Variants in ZSCAN12 observed in about 807,000 individuals in gnomAD.
ZSCAN12 encodes zinc finger and SCAN domain containing 12, also known as zinc finger and SCAN domain-containing protein 12.
In ZSCAN12, 18 loss-of-function variants were observed where a neutral mutation model predicts 23.4. The ratio of observed to expected loss-of-function variants is 0.77; its 90% CI spans 0.53 to 1.14. ZSCAN12 has a LOEUF of 1.14. Ranked by LOEUF, ZSCAN12 falls within the 50% of genes most tolerant of loss-of-function variation. ZSCAN12 has a pLI of 0.00. For missense variants in ZSCAN12, 650 were observed against 735.0 expected (o/e 0.88, Z 1.34); for synonymous variants, 186 against 253.4 (o/e 0.73, Z 2.53).
intron 2 of ZSCAN12, among the ~76,000 whole-genome samples, chr6:28,395,734 T>A (rs1761075544): frequency 6.6e-6 from 1 of 152,212 alleles, no homozygotes; most frequent in South Asian, 2.1e-4. Context: ...TATAATCTTA[T>A]AAGCATTTTA....
chr6:28,379,016 C>T (rs1244118947), exon 5 of ZSCAN12: 1 of 152,116 alleles, frequency 6.6e-6, no homozygotes, highest in Non-Finnish European at 1.5e-5. Context: ...GGATGTACAG[C>T]AGAGGGACAC....
Position 28,391,539 on chromosome 6 carries a change from T to A in ZSCAN12, c.751A>T (p.Asn251Tyr). Residue 251 changes from asparagine to tyrosine, a missense_variant, in exon 4 of 4, where the codon AAT becomes TAT. By Grantham distance (143) the Asn-to-Tyr change is moderately radical. Transcript: ENST00000684592. This position sits in a 1 kb window ranked among gnomAD's most constrained non-coding sequence, Gnocchi z 4.1. ...GAGTTCTCAGTCAGGCTTACTCCATTTTCATCACAGGTAGGTTGTTTATCT... is the reference window on the plus strand; with the variant it reads ...GAGTTCTCAGTCAGGCTTACTCCATATTCATCACAGGTAGGTTGTTTATCT... ...REDKQPTCDENGVSLTENSDH... is the reference protein window; with the variant it reads ...REDKQPTCDEYGVSLTENSDH... The A allele has an allele frequency of 2.6e-6, 4 of 1,552,194 alleles. No individual in the cohort carries two copies. The highest frequency in any genetic ancestry group is 3.5e-6 in the Non-Finnish European group (4 of 1,147,114).
At position 28,385,980 on chromosome 6, in the gene ZSCAN12, G is replaced by A. The variant is rs1198822811; in HGVS notation, c.*4474C>T. Among the ~76,000 whole-genome samples, 1 of 152,146 alleles carries A rather than the reference G, an allele frequency of 6.6e-6. No individual in the cohort carries two copies. Among genetic ancestry groups the A allele is most frequent in the East Asian group, 1.9e-4 (1 of 5,192 alleles). On this transcript the variant is annotated 3_prime_UTR_variant, in exon 4 of 4. Transcript: ENST00000684592. The stretch of plus-strand genomic sequence containing the variant: ...ATTTGGAGCCCTGCTCAATCCCACT[G>A]TCTTTCCTCATTAGCTTCATCTCGT...
chr6:28,398,344 A>C lies in ZSCAN12; in HGVS notation c.62T>G (p.Ile21Arg). The C allele has an allele frequency of 1.3e-6, 2 of 1,553,382 alleles. No individual in the cohort carries two copies. Among genetic ancestry groups the C allele is most frequent in the Non-Finnish European group, 1.7e-6 (2 of 1,147,902 alleles). The change falls in exon 2 of 4, where the codon ATA becomes AGA. Residue 21 changes from isoleucine (I) to arginine (R), a missense_variant. By Grantham distance (97) the Ile-to-Arg change is moderately conservative (BLOSUM62 -3). Coordinates refer to ENST00000684592, the MANE Select transcript of ZSCAN12 (RefSeq NM_001163391.2). The stretch of plus-strand genomic sequence containing the variant: ...TCTGGTGGTATATTTCTCTTCCTCT[A>C]TCTTTACTTCCAAAGGTTCATCCTG... ...MDQDEPLEVK[I>R]EEEKYTTRQD...
In ZSCAN12 at chr6:28,398,352, T is replaced by C. The variant is rs980075191; in HGVS notation, c.54A>G (p.Glu18=). Residue 18 remains glutamate (E), a synonymous_variant, in exon 2 of 4, where the codon GAA becomes GAG. Transcript: ENST00000684592. ...TATATTTCTCTTCCTCTATCTTTAC[T>C]TCCAAAGGTTCATCCTGGTCCATGT... The part of the protein sequence containing the change: ...QAHMDQDEPL[E]VKIEEEKYTT... 8 of 1,552,354 alleles carry C rather than the reference T, an allele frequency of 5.2e-6. No homozygotes were observed. The Admixed American group carries it at 5.9e-5, about 11-fold the overall frequency.
chr6:28,394,757 C>A (rs140084858), intron 2 of ZSCAN12, among the ~76,000 whole-genome samples: 50 of 152,246 alleles, frequency 3.3e-4, no homozygotes, highest in African/African-American at 1.2e-3. Context: ...GCTCATTACT[C>A]CCTTCATGAT....
At position 28,390,559 on chromosome 6, in the gene ZSCAN12, T is replaced by G. The variant is rs752111653; in HGVS notation, c.1731A>C (p.Arg577Ser). The change falls in exon 4 of 4, where the codon AGA (arginine) becomes AGC (serine). Residue 577 changes from arginine (R) to serine (S), a missense_variant. Transcript: ENST00000684592. Reference protein sequence around the residue: ...DLSKHQRIHNRRGTYVCKECG... With the variant: ...DLSKHQRIHNSRGTYVCKECG... Reference sequence around the variant, plus strand: ...ACTCTTTACATACATAGGTACCACGTCTATTATGGATTCTCTGGTGTTTAC... The same window carrying G: ...ACTCTTTACATACATAGGTACCACGGCTATTATGGATTCTCTGGTGTTTAC... 2 of 1,581,596 alleles carry G rather than the reference T, an allele frequency of 1.3e-6. No individual in the cohort carries two copies. The highest frequency in any genetic ancestry group is 2.7e-5 in the African/African-American group (2 of 73,834).
rs756843523 is a variant in ZSCAN12, at chr6:28,387,974, G to A, written c.*2480C>T. Among the ~76,000 whole-genome samples the A allele has an allele frequency of 5.3e-5, 8 of 152,030 alleles. No individual in the cohort carries two copies. Among genetic ancestry groups the A allele is most frequent in the Non-Finnish European group, 1.2e-4 (8 of 68,020 alleles). On this transcript the variant is annotated 3_prime_UTR_variant, in exon 4 of 4. Coordinates refer to ENST00000684592, the MANE Select transcript of ZSCAN12 (RefSeq NM_001163391.2). ...TCTCCGAATAAATCTGCTTTTCCTC[G>A]CACCAATTTTCTTCTCTCCCGAGTT... is the stretch of plus-strand genomic sequence containing the variant.
downstream of ZSCAN12, chr6:28,382,529 A>G (rs1760306224): frequency 6.4e-7 from 1 of 1,551,828 alleles, no homozygotes; most frequent in African/African-American, 1.4e-5. Context: ...TTCTGGAATG[A>G]GAGAGCTCAG....
chr6:28,397,195 G>A (rs1425470220), intron 2 of ZSCAN12, among the ~76,000 whole-genome samples: 4 of 151,798 alleles, frequency 2.6e-5, no homozygotes. Flanking sequence ...GATACTAGCA[G>A]CACCTCCCCA....
intron 1 of ZSCAN12, among the ~76,000 whole-genome samples, chr6:28,399,369 C>T (rs528122842): frequency 2.4e-3 from 362 of 152,326 alleles, no homozygotes; most frequent in African/African-American, 8.2e-3. Flanking sequence ...GTCTGTGACC[C>T]ACCACTGTCC....
chr6:28,383,919 A>G (rs769228658), downstream of ZSCAN12, among the ~76,000 whole-genome samples: 15 of 152,118 alleles, frequency 9.9e-5, no homozygotes, highest in Non-Finnish European at 1.9e-4. Context: ...GAGAGAGCCC[A>G]CAACAACAAT....
chr6:28,391,935 G>C lies in ZSCAN12; in HGVS notation c.548-193C>G, dbSNP rs1311033958. Among the ~76,000 whole-genome samples, 1 of 152,158 alleles carries C rather than the reference G, an allele frequency of 6.6e-6. No individual in the cohort carries two copies. Among genetic ancestry groups the C allele is most frequent in the Non-Finnish European group, 1.5e-5 (1 of 68,040 alleles). On this transcript the variant is annotated intron_variant, in intron 3 of 3. Coordinates refer to ENST00000684592, the MANE Select transcript of ZSCAN12 (RefSeq NM_001163391.2). The surrounding 1 kb of genome is among the most constrained non-coding windows in gnomAD (Gnocchi z 4.1). ...ATCTGGAAGGACACACGAAAAATTA[G>C]TAACAGTTACAACCTATTTCAGAGT...
downstream of ZSCAN12, chr6:28,380,070 C>T (rs1029491860): frequency 6.6e-6 from 1 of 152,166 alleles, no homozygotes; most frequent in African/African-American, 2.4e-5. Context: ...TTTTCTTGAT[C>T]TAAGAAACTA....
Position 28,393,016 on chromosome 6 carries a change from A to G in ZSCAN12, c.433T>C (p.Phe145Leu). 1 of 1,551,818 alleles carries G rather than the reference A, an allele frequency of 6.4e-7. No individual in the cohort carries two copies. Among genetic ancestry groups the G allele is most frequent in the Non-Finnish European group, 8.7e-7 (1 of 1,147,002 alleles). Residue 145 changes from phenylalanine to leucine, a missense_variant, in exon 3 of 4, where the codon TTC (phenylalanine) becomes CTC (leucine). Phe to Leu is a conservative substitution (Grantham distance 22). Coordinates refer to ENST00000684592, the MANE Select transcript of ZSCAN12 (RefSeq NM_001163391.2). ...CGTAGACGTACCGTCTCCTGCAAGAACATTTCCTGTTCCCCAGTGTGGACT... is the reference window on the plus strand; with the variant it reads ...CGTAGACGTACCGTCTCCTGCAAGAGCATTTCCTGTTCCCCAGTGTGGACT... ...VSVHTGEQEMFLQETVRLRKE... is the reference protein window; with the variant it reads ...VSVHTGEQEMLLQETVRLRKE...
chr6:28,384,403 C>T (rs1433392404), downstream of ZSCAN12, among the ~76,000 whole-genome samples: 2 of 152,164 alleles, frequency 1.3e-5, no homozygotes, highest in Admixed American at 1.3e-4. Flanking sequence ...AGCAGGCCAA[C>T]TGGGCTTAGG....
At chr6:28,396,333 T>C (rs1761105740) in intron 2 of ZSCAN12, among the ~76,000 whole-genome samples, 1 of 152,178 alleles carries the variant, frequency 6.6e-6, no homozygotes, top group Non-Finnish European at 1.5e-5. Flanking sequence ...CCTAAAACAG[T>C]ACCTAGTCCA....
chr6:28,392,709 A>C (rs1333133004), intron 3 of ZSCAN12, among the ~76,000 whole-genome samples, 193 bp downstream of exon 3: 1 of 152,222 alleles, frequency 6.6e-6, no homozygotes, highest in African/African-American at 2.4e-5. Flanking sequence ...AATTTAGAAG[A>C]ATATGAATAT....
At chr6:28,397,936 T>G (rs1581786181) in intron 2 of ZSCAN12, 68 bp downstream of exon 2, 1 of 1,451,954 alleles carries the variant, frequency 6.9e-7, no homozygotes, top group Non-Finnish European at 9.1e-7. Context: ...AAAATGGCTG[T>G]TCTTCACTCT....
Sources: gnomAD v4.1 joint callset for allele counts (sites outside exome capture counted in the v4.1 genomes callset) on GRCh38, gnomAD v4.1.1 for gene constraint, Gnocchi (gnomAD v3.1) non-coding constraint, MANE v1.5 for transcripts, NCBI Gene and HGNC (gene_info 2026-07-23, HGNC 2026-07-21) for gene names.